The following TCF7L2 variants were observed in gnomAD, a reference collection of about 807,000 sequenced individuals.
The protein encoded by TCF7L2 is transcription factor 7-like 2.
Under a neutral mutation model 77.9 loss-of-function variants are expected in TCF7L2, and 23 were observed. That is an observed-to-expected ratio of 0.30 (90% CI 0.21 to 0.42). The LOEUF (loss-of-function observed/expected upper bound fraction) is 0.42. Among genes scored for constraint, TCF7L2 ranks in the 10% least tolerant of loss-of-function variants. The probability of loss-of-function intolerance (pLI) is 1.00; values close to 1 mark genes in which losing one functional copy is unlikely to be tolerated. For synonymous variants in TCF7L2, 413 were observed against 340.2 expected, an observed-to-expected ratio of 1.21 and a Z score of -2.36; for missense variants, 654 against 793.1, an observed-to-expected ratio of 0.82 and a Z score of 2.11.
intron 5 of TCF7L2, among the ~76,000 whole-genome samples, chr10:113,139,023 G>A (rs1299848626): frequency 1.3e-5 from 2 of 152,110 alleles, no homozygotes; most frequent in East Asian, 1.9e-4. Flanking sequence ...TCCTGCTCCC[G>A]TGGCACTTGA....
chr10:113,097,042 G>A (rs1206810897), intron 5 of TCF7L2, among the ~76,000 whole-genome samples: 1 of 152,084 alleles, frequency 6.6e-6, no homozygotes, highest in Non-Finnish European at 1.5e-5. Context: ...GCCTCTTGCT[G>A]TTTAGAAAAA....
intron 4 of TCF7L2, among the ~76,000 whole-genome samples, chr10:113,032,474 T>C (rs2050410496): frequency 6.6e-6 from 1 of 152,250 alleles, no homozygotes; most frequent in Non-Finnish European, 1.5e-5. Flanking sequence ...TCAGTGTTTG[T>C]CCATAGACTT....
At chr10:112,957,434 A>G (rs1185138943) in intron 3 of TCF7L2, among the ~76,000 whole-genome samples, 1 of 152,090 alleles carries the variant, frequency 6.6e-6, no homozygotes, top group African/African-American at 2.4e-5. Context: ...GAGGGGAAAA[A>G]AAATCCAGGT....
chr10:113,040,227 T>C lies in TCF7L2; in HGVS notation c.552+101T>C. On this transcript the variant is annotated intron_variant, in intron 5 of 13. Coordinates refer to ENST00000627217, the MANE Select transcript of TCF7L2 (RefSeq NM_001146274.2). ...GCCTTATTTGTCATTTTTTTCTTTC[T>C]TTAAACACATTTTCTTTGGAAATAT... The C allele has an allele frequency of 3.1e-6, 3 of 972,526 alleles. No individual in the cohort carries two copies. The South Asian group carries it at 5.0e-5, about 16-fold the overall frequency. The allele number at this position is 972,526 out of a possible 1,614,324, so 60.2% of individuals were successfully genotyped here.
intron 4 of TCF7L2, among the ~76,000 whole-genome samples, chr10:113,029,678 C>T (rs1028853969): frequency 1.3e-5 from 2 of 152,048 alleles, no homozygotes; most frequent in Non-Finnish European, 2.9e-5. Context: ...AGGCATGCGC[C>T]ACCACGTCCA....
intron 7 of TCF7L2, among the ~76,000 whole-genome samples, chr10:113,145,132 A>T (rs1180020012): frequency 6.7e-6 from 1 of 150,294 alleles, no homozygotes; most frequent in Admixed American, 6.6e-5. Context: ...TTTTTTTAAT[A>T]AAAAACAGAT....
chr10:113,063,689 A>C (rs1051206864), intron 5 of TCF7L2, among the ~76,000 whole-genome samples: 1 of 151,930 alleles, frequency 6.6e-6, no homozygotes, highest in Non-Finnish European at 1.5e-5. Context: ...AAACCCCCAC[A>C]CCCGGGTGAT....
chr10:112,964,135 C>T (rs894786969), intron 3 of TCF7L2, among the ~76,000 whole-genome samples: 1 of 152,244 alleles, frequency 6.6e-6, no homozygotes, highest in Admixed American at 6.5e-5. Context: ...TGTGGCTTCT[C>T]ATAATCTTTT....
Position 113,097,655 on chromosome 10 carries a change from A to AAAAAACAAAAAAAAAAAAC in TCF7L2, c.553-43524_553-43523insCAAAAAAAAAAAACAAAAA, listed in dbSNP as rs1564890117. 2.1e-4 allele frequency among the ~76,000 whole-genome samples: 29 copies of AAAAAACAAAAAAAAAAAAC among 139,374 alleles called. 1 individual carries two copies. The highest frequency in any genetic ancestry group is 7.5e-4 in the African/African-American group (28 of 37,396). The allele number at this position is 139,374 out of a possible 152,430, so 91.4% of individuals were successfully genotyped here. A position where few individuals can be genotyped will look rare whatever the true frequency, so the allele number is the denominator to read the frequency against. Reference sequence around the variant, plus strand: ...TAAGACTCTTGTCTCGGAAAAAAAAAAAAAAAAAAAAAAAAAAAACAACCA... The same window carrying AAAAAACAAAAAAAAAAAAC: ...TAAGACTCTTGTCTCGGAAAAAAAAAAAAAACAAAAAAAAAAAACAAAAAAAAAAAAAAAAAAACAACCA... On this transcript the variant is annotated intron_variant, in intron 5 of 13. Coordinates refer to ENST00000627217, the MANE Select transcript of TCF7L2 (RefSeq NM_001146274.2).
At chr10:113,028,691 T>A (rs2049655392) in intron 4 of TCF7L2, among the ~76,000 whole-genome samples, 1 of 152,216 alleles carries the variant, frequency 6.6e-6, no homozygotes, top group African/African-American at 2.4e-5. Flanking sequence ...AAGTCTTTCG[T>A]TGTCTTTTGT....
intron 4 of TCF7L2, among the ~76,000 whole-genome samples, chr10:113,023,699 C>T (rs1387990577): frequency 2.6e-5 from 4 of 151,668 alleles, no homozygotes; most frequent in Non-Finnish European, 5.9e-5. Context: ...GACGGAGTCT[C>T]GCTCTGTTGC....
intron 3 of TCF7L2, among the ~76,000 whole-genome samples, chr10:112,958,453 G>A (rs958012976): frequency 6.6e-6 from 1 of 151,982 alleles, no homozygotes; most frequent in Admixed American, 6.6e-5. Flanking sequence ...CTCTCTTGCA[G>A]TCTTCAGCTT....
Position 113,051,242 on chromosome 10 carries a change from CAGACACAT to C in TCF7L2, c.552+11118_552+11125del, listed in dbSNP as rs773455535. Among the ~76,000 whole-genome samples the C allele has an allele frequency of 4.6e-3, 687 of 148,554 alleles. 3 individuals carry two copies. The highest frequency in any genetic ancestry group is 0.021 in the Middle Eastern group (6 of 292). On this transcript the variant is annotated intron_variant, in intron 5 of 13. Coordinates refer to ENST00000627217, the MANE Select transcript of TCF7L2 (RefSeq NM_001146274.2). ...ACACACACACACACACACACACACA[CAGACACAT>C]ACATATGCACACACCCCGACTCAAT...
chr10:113,097,653 A>AAAAAAAACAAAAAAAAAAAAC (rs1564890072), intron 5 of TCF7L2, among the ~76,000 whole-genome samples: 5 of 124,286 alleles, frequency 4.0e-5, no homozygotes, highest in African/African-American at 1.6e-4. Flanking sequence ...TCGGAAAAAA[A>AAAAAAAACAAAAAAAAAAAAC]AAAAAAAAAA....
intron 5 of TCF7L2, among the ~76,000 whole-genome samples, chr10:113,105,277 C>G (rs1259664525): frequency 6.6e-6 from 1 of 152,256 alleles, no homozygotes; most frequent in East Asian, 1.9e-4. Flanking sequence ...ACCGTCTAGC[C>G]AGGAGTAACG....
chr10:113,013,955 T>G (rs2133694339), intron 4 of TCF7L2, among the ~76,000 whole-genome samples: 1 of 152,344 alleles, frequency 6.6e-6, no homozygotes, highest in East Asian at 1.9e-4. Flanking sequence ...GCCTGGAATT[T>G]CTTTAGAAGG....
intron 5 of TCF7L2, among the ~76,000 whole-genome samples, chr10:113,082,435 T>C (rs146102345): frequency 4.0e-5 from 6 of 151,886 alleles, no homozygotes; most frequent in Admixed American, 2.6e-4. Context: ...AGGTACACTT[T>C]CCCCCCCACA....
intron 4 of TCF7L2, among the ~76,000 whole-genome samples, chr10:113,025,764 G>C (rs1368119774): frequency 6.6e-6 from 1 of 152,160 alleles, no homozygotes; most frequent in East Asian, 1.9e-4. Context: ...TTACAGGCAA[G>C]GATCTGGAGG....
At chr10:113,152,078 G>A (rs2070859985) in intron 10 of TCF7L2, among the ~76,000 whole-genome samples, 194 bp downstream of exon 10, 1 of 152,068 alleles carries the variant, frequency 6.6e-6, no homozygotes, top group Non-Finnish European at 1.5e-5. Context: ...AACAGCCACA[G>A]CCATGCTCTT....
Sources: gnomAD v4.1 joint callset for allele counts (sites outside exome capture counted in the v4.1 genomes callset) on GRCh38, gnomAD v4.1.1 for gene constraint, MANE v1.5 for transcripts, NCBI Gene and HGNC (gene_info 2026-07-23, HGNC 2026-07-21) for gene names.